Variants in FAM135B observed in about 807,000 individuals in gnomAD.
The protein encoded by FAM135B is family with sequence similarity 135 member B.
A neutral mutation model predicts 127.7 loss-of-function variants in FAM135B; 43 were observed. The ratio of observed to expected loss-of-function variants is 0.34; its 90% CI spans 0.26 to 0.43. The LOEUF (loss-of-function observed/expected upper bound fraction) is 0.43. Ranked by LOEUF, FAM135B falls within the 20% of genes least tolerant of loss-of-function variation. FAM135B has a pLI of 1.00. For synonymous variants in FAM135B, 670 were observed against 665.1 expected (o/e 1.01, Z -0.11); for missense variants, 1,558 against 1,725.6 (o/e 0.90, Z 1.72).
At chr8:138,440,618 A>T (rs960315783) in intron 1 of FAM135B, 4 of 151,898 alleles carry the variant, frequency 2.6e-5, no homozygotes, top group African/African-American at 9.7e-5. Context: ...TTCCAGAGCC[A>T]GACCACAAAC....
intron 3 of FAM135B, among the ~76,000 whole-genome samples, chr8:138,289,911 A>T (rs966010929): frequency 5.9e-5 from 9 of 152,230 alleles, no homozygotes; most frequent in Non-Finnish European, 1.2e-4. Flanking sequence ...TGGCACCATC[A>T]GAGTTGCCTG....
chr8:138,323,867 T>G (rs1485544297), intron 2 of FAM135B, among the ~76,000 whole-genome samples: 1 of 152,212 alleles, frequency 6.6e-6, no homozygotes, highest in Non-Finnish European at 1.5e-5. Flanking sequence ...TAGGTTGGAC[T>G]TTTGTGTAGA....
intron 2 of FAM135B, among the ~76,000 whole-genome samples, chr8:138,336,982 T>C (rs959825639): frequency 4.6e-5 from 7 of 150,898 alleles, no homozygotes; most frequent in Non-Finnish European, 8.9e-5. Context: ...TAATCCAGCA[T>C]ATAAACAGAA....
chr8:138,434,320 G>C (rs940183253), intron 1 of FAM135B, among the ~76,000 whole-genome samples: 1 of 152,152 alleles, frequency 6.6e-6, no homozygotes, highest in Non-Finnish European at 1.5e-5. Flanking sequence ...TTCTTTGGGA[G>C]TGAGAATAAT....
In FAM135B at chr8:138,151,302, G is replaced by C. The variant is rs900230285; in HGVS notation, c.3173C>G (p.Ser1058Cys). 6.2e-7 allele frequency: 1 copy of C among 1,614,062 alleles called. No homozygotes were observed. The highest frequency in any genetic ancestry group is 8.5e-7 in the Non-Finnish European group (1 of 1,180,008). ...PKETPARAGF[S>C]SKQTLFPITH... Reference sequence around the variant, plus strand: ...GATGGGAAACAGGGTCTGTTTGGAAGAGAATCCAGCCCTGGCAGGGGTCTC... The same window carrying C: ...GATGGGAAACAGGGTCTGTTTGGAACAGAATCCAGCCCTGGCAGGGGTCTC... The change falls in exon 13 of 20, where the codon TCT becomes TGT. Residue 1058 changes from serine to cysteine, a missense_variant. By Grantham distance (112) the Ser-to-Cys change is moderately radical. Coordinates refer to ENST00000395297, the MANE Select transcript of FAM135B (RefSeq NM_015912.4).
chr8:138,424,842 T>C (rs567891743), intron 1 of FAM135B, among the ~76,000 whole-genome samples: 2 of 152,362 alleles, frequency 1.3e-5, no homozygotes, highest in African/African-American at 2.4e-5. Flanking sequence ...ATTTTGTCTT[T>C]GCTTTCTAAA....
chr8:138,156,552 A>G (rs1274194366), intron 12 of FAM135B, among the ~76,000 whole-genome samples: 2 of 152,198 alleles, frequency 1.3e-5, no homozygotes, highest in Admixed American at 6.5e-5. Flanking sequence ...ACCTCTAGGA[A>G]GACTAATAAA....
intron 7 of FAM135B, among the ~76,000 whole-genome samples, chr8:138,204,623 T>C (rs1817417294): frequency 6.6e-6 from 1 of 152,320 alleles, no homozygotes; most frequent in African/African-American, 2.4e-5. Context: ...GCCTCCTACT[T>C]TGGAATCGTG....
chr8:138,294,662 C>T (rs1308480647), intron 3 of FAM135B, among the ~76,000 whole-genome samples: 1 of 152,056 alleles, frequency 6.6e-6, no homozygotes, highest in African/African-American at 2.4e-5. Flanking sequence ...ATTTACAATC[C>T]ATAACATTAA....
chr8:138,182,280 T>C (rs553170787), intron 9 of FAM135B, among the ~76,000 whole-genome samples: 28 of 152,352 alleles, frequency 1.8e-4, no homozygotes, highest in African/African-American at 6.5e-4. Context: ...ACTTTTCTAC[T>C]CCACAGATGC....
At chr8:138,422,705 AC>A (rs1232681191) in intron 1 of FAM135B, among the ~76,000 whole-genome samples, 1 of 152,118 alleles carries the variant, frequency 6.6e-6, no homozygotes, top group Non-Finnish European at 1.5e-5. Context: ...TCTGAAAAAA[AC>A]AAAAACAAAA....
chr8:138,256,438 A>C (rs572883744), intron 5 of FAM135B, among the ~76,000 whole-genome samples: 1 of 152,332 alleles, frequency 6.6e-6, no homozygotes, highest in Non-Finnish European at 1.5e-5. Flanking sequence ...AGAAAGTGCC[A>C]GTTAGTAAAG....
chr8:138,426,132 G>GTATA lies in FAM135B; in HGVS notation c.-19-58131_-19-58130insTATA, dbSNP rs1405262202. On this transcript the variant is annotated intron_variant, in intron 1 of 19. Coordinates refer to ENST00000395297, the MANE Select transcript of FAM135B (RefSeq NM_015912.4). ...TATATACACATATGTGTGTGTGTGT[G>GTATA]TGTGTGTATATATATATATAATGCT... 4.6e-5 allele frequency among the ~76,000 whole-genome samples: 6 copies of GTATA among 131,100 alleles called. 1 individual carries two copies. The highest frequency in any genetic ancestry group is 1.3e-4 in the African/African-American group (4 of 31,050). The allele number at this position is 131,100 out of a possible 152,430, so 86.0% of individuals were successfully genotyped here.
At chr8:138,229,098 C>T (rs1819708813) in intron 7 of FAM135B, among the ~76,000 whole-genome samples, 1 of 152,130 alleles carries the variant, frequency 6.6e-6, no homozygotes, top group Non-Finnish European at 1.5e-5. Context: ...ATCGGCAATG[C>T]TGTCAGCACA....
chr8:138,403,844 C>T (rs1428081438), intron 1 of FAM135B, among the ~76,000 whole-genome samples: 3 of 152,148 alleles, frequency 2.0e-5, no homozygotes, highest in East Asian at 1.9e-4. Context: ...AACTAGATGT[C>T]GGAGGCAACT....
intron 7 of FAM135B, among the ~76,000 whole-genome samples, chr8:138,226,190 C>G (rs1330222855): frequency 1.1e-5 from 1 of 93,534 alleles, no homozygotes; most frequent in Non-Finnish European, 2.1e-5. Context: ...TGTGTGCGCG[C>G]ATGTCATTTT....
At chr8:138,134,254 G>A (rs549447374) in intron 19 of FAM135B, among the ~76,000 whole-genome samples, 64 of 152,218 alleles carry the variant, frequency 4.2e-4, no homozygotes, top group African/African-American at 1.5e-3. Flanking sequence ...TTTAAATGAT[G>A]TATGTGAATA....
intron 1 of FAM135B, among the ~76,000 whole-genome samples, chr8:138,484,498 T>C (rs1359247035): frequency 6.6e-6 from 1 of 152,218 alleles, no homozygotes; most frequent in Non-Finnish European, 1.5e-5. Flanking sequence ...GTGAACAGTA[T>C]TTTGCCCTCT....
chr8:138,371,324 A>G (rs1341798101), intron 1 of FAM135B, among the ~76,000 whole-genome samples: 1 of 152,184 alleles, frequency 6.6e-6, no homozygotes, highest in African/African-American at 2.4e-5. Context: ...CCCATGACAC[A>G]TACCTAACAC....
Sources: allele counts gnomAD v4.1 joint callset (sites outside exome capture counted in the v4.1 genomes callset), GRCh38; gene constraint gnomAD v4.1.1; transcripts MANE v1.5; gene names NCBI Gene and HGNC (gene_info 2026-07-23, HGNC 2026-07-21).